Variants in ATG13 observed in about 807,000 individuals in gnomAD.
The protein encoded by ATG13 is autophagy related 13, also known as autophagy-related protein 13.
ATG13 carries 23 observed loss-of-function variants against 65.5 expected under a neutral mutation model. That is an observed-to-expected ratio of 0.35 (90% CI 0.25 to 0.50). ATG13 has a LOEUF of 0.50. Ranked by LOEUF, ATG13 falls within the 20% of genes least tolerant of loss-of-function variation. The probability of loss-of-function intolerance (pLI) is 0.98; values close to 1 mark genes in which losing one functional copy is unlikely to be tolerated. For missense variants in ATG13, 566 were observed against 677.0 expected, an observed-to-expected ratio of 0.84 and a Z score of 1.82; for synonymous variants, 252 against 245.2, an observed-to-expected ratio of 1.03 and a Z score of -0.26.
Position 46,664,677 on chromosome 11 carries a change from A to G in ATG13, c.889-172A>G, listed in dbSNP as rs114286883. Among the ~76,000 whole-genome samples the G allele has an allele frequency of 8.4e-3, 1,282 of 152,328 alleles. 9 individuals carry two copies. Among genetic ancestry groups the G allele is most frequent in the African/African-American group, 0.03 (1,235 of 41,556 alleles). ...AAACAAGTCTGTGTTTTCTTCTCTA[A>G]TAACGGCCTCATCTGTCCCTAACCC... On this transcript the variant is annotated intron_variant, in intron 12 of 18. Transcript: ENST00000683050.
In ATG13 at chr11:46,664,918, G is replaced by T. The variant is rs1047518922; in HGVS notation, c.958G>T (p.Val320Leu). 7 of 1,613,898 alleles carry T rather than the reference G, an allele frequency of 4.3e-6. No homozygotes were observed. The highest frequency in any genetic ancestry group is 5.9e-6 in the Non-Finnish European group (7 of 1,179,892). Residue 320 changes from valine to leucine, a missense_variant, in exon 13 of 19, where the codon GTA becomes TTA. By Grantham distance (32) the Val-to-Leu change is conservative. Coordinates refer to ENST00000683050, the MANE Select transcript of ATG13 (RefSeq NM_001346311.2). ...TGGATCAGCTGACCTGGCTTATCCA[G>T]TAGTGTTTGCTGCTGGCTTAAATGC... ...GVGSADLAYP[V>L]VFAAGLNATH... is the part of the protein sequence containing the mutation.
intron 2 of ATG13, 27 bp from the exon 3 acceptor site, chr11:46,644,252 C>A: frequency 1.3e-6 from 2 of 1,487,340 alleles, no homozygotes; most frequent in Admixed American, 2.0e-5. Context: ...AGATATTAGT[C>A]ATATTTTTTT....
chr11:46,649,842 T>C (rs1434358995), intron 6 of ATG13, among the ~76,000 whole-genome samples: 1 of 152,250 alleles, frequency 6.6e-6, no homozygotes, highest in Non-Finnish European at 1.5e-5. Flanking sequence ...TGTTAGATTA[T>C]CGAGATAGAC....
chr11:46,650,133 A>G, intron 6 of ATG13, 44 bp from the exon 7 acceptor site: 3 of 1,599,492 alleles, frequency 1.9e-6, no homozygotes. Flanking sequence ...GTGTAGCTCC[A>G]GCGCTAAATA....
At chr11:46,622,601 C>T (rs1226013038) in intron 1 of ATG13, among the ~76,000 whole-genome samples, 1 of 152,106 alleles carries the variant, frequency 6.6e-6, no homozygotes, top group East Asian at 1.9e-4. Flanking sequence ...ATTCAAACTG[C>T]TGACTACTGA....
intron 2 of ATG13, among the ~76,000 whole-genome samples, chr11:46,635,428 G>A (rs992214047): frequency 1.4e-4 from 22 of 152,140 alleles, no homozygotes; most frequent in Admixed American, 1.2e-3. Flanking sequence ...GATTGCCTGA[G>A]TCCAGGAGTT....
At chr11:46,661,739 G>T (rs1474914984) in intron 11 of ATG13, among the ~76,000 whole-genome samples, 7 of 152,120 alleles carry the variant, frequency 4.6e-5, no homozygotes, top group African/African-American at 1.7e-4. Context: ...GCTGATCTGG[G>T]AGGATCGCCT....
chr11:46,644,377 C>G lies in ATG13; in HGVS notation c.69+17C>G, dbSNP rs1257700188. On this transcript the variant is annotated intron_variant, in intron 3 of 18. Transcript: ENST00000683050. ...GCCCTCAAGGTAATGTGTCCATTCT[C>G]TTGAGCCTAGAACTGTTAGAAATAA... 1.3e-6 allele frequency: 2 copies of G among 1,584,084 alleles called. No individual in the cohort carries two copies. Among genetic ancestry groups the G allele is most frequent in the Non-Finnish European group, 1.7e-6 (2 of 1,163,116 alleles).
chr11:46,644,279 A>G lies in ATG13; in HGVS notation c.-13A>G, dbSNP rs769829577. The G allele has an allele frequency of 5.1e-6, 8 of 1,567,540 alleles. No homozygotes were observed. The highest frequency in any genetic ancestry group is 6.0e-6 in the Non-Finnish European group (7 of 1,163,328). On this transcript the variant is annotated splice_region_variant and 5_prime_UTR_variant, in exon 3 of 19. Coordinates refer to ENST00000683050, the MANE Select transcript of ATG13 (RefSeq NM_001346311.2). ...TATTTTTTTCACTTTTTTTTTTTAG[A>G]TTCCTATAGGCAATGGAAACTGATC...
chr11:46,672,297 C>T lies in ATG13; in HGVS notation c.1618C>T (p.Arg540Cys), dbSNP rs753993692. The T allele has an allele frequency of 9.3e-6, 15 of 1,614,100 alleles. No individual in the cohort carries two copies. Among genetic ancestry groups the T allele is most frequent in the South Asian group, 4.4e-5 (4 of 91,090 alleles). Residue 540 changes from arginine to cysteine, a missense_variant, in exon 19 of 19, where the codon CGC (arginine) becomes TGC (cysteine). Coordinates refer to ENST00000683050, the MANE Select transcript of ATG13 (RefSeq NM_001346311.2). Reference protein sequence around the residue: ...EKLAVHEKNVREFDAFVETLQ With the variant: ...EKLAVHEKNVCEFDAFVETLQ ...GCTGGCTGTGCATGAGAAGAATGTC[C>T]GCGAGTTTGATGCCTTTGTGGAAAC... is the stretch of plus-strand genomic sequence containing the variant.
At chr11:46,654,580 G>T (rs1043258310) in intron 7 of ATG13, among the ~76,000 whole-genome samples, 1 of 150,834 alleles carries the variant, frequency 6.6e-6, no homozygotes, top group Non-Finnish European at 1.5e-5. Context: ...AACTTAGCTG[G>T]GTGTGGTGGC....
chr11:46,672,048 C>G (rs1203829295), intron 18 of ATG13, among the ~76,000 whole-genome samples: 1 of 152,230 alleles, frequency 6.6e-6, no homozygotes, highest in Non-Finnish European at 1.5e-5. Context: ...CAAGGCCGTT[C>G]CATTAATCCT....
At chr11:46,653,587 TGAGACG>T (rs1801532784) in intron 7 of ATG13, among the ~76,000 whole-genome samples, 1 of 152,114 alleles carries the variant, frequency 6.6e-6, no homozygotes, top group African/African-American at 2.4e-5. Context: ...TTTTGTTTTT[TGAGACG>T]GAGTCTCGCT....
intron 10 of ATG13, 35 bp downstream of exon 10, chr11:46,657,657 A>G (rs1466818918): frequency 6.6e-7 from 1 of 1,520,138 alleles, no homozygotes; most frequent in Non-Finnish European, 8.9e-7. Flanking sequence ...CCCAAACTGC[A>G]GCTGGGCAGA....
chr11:46,669,767 CTGT>C (rs2063275606), intron 18 of ATG13, among the ~76,000 whole-genome samples: 2 of 152,226 alleles, frequency 1.3e-5, no homozygotes, highest in African/African-American at 2.4e-5. Flanking sequence ...TTACATGCTC[CTGT>C]TGTTCTGTGC....
chr11:46,672,762 A>C lies in ATG13; in HGVS notation c.*430A>C, dbSNP rs2064039785. The C allele has an allele frequency of 8.3e-7, 1 of 1,201,812 alleles. No individual in the cohort carries two copies. Among genetic ancestry groups the C allele is most frequent in the South Asian group, 1.2e-5 (1 of 82,872 alleles). 74.4% of individuals were successfully genotyped at this position (1,201,812 alleles called of 1,614,324 possible). ...GCTGGTGGCCAAGAGATTGGTGTGG[A>C]GTCGCAGAAAGAGGAAGGAGACAGT... On this transcript the variant is annotated 3_prime_UTR_variant, in exon 19 of 19. Transcript: ENST00000683050.
At chr11:46,644,425 G>A (rs1399752606) in intron 3 of ATG13, 65 bp downstream of exon 3, 22 of 1,371,634 alleles carry the variant, frequency 1.6e-5, no homozygotes, top group South Asian at 3.9e-5. Context: ...TCCCTTTTGC[G>A]AACAACTCTC....
Position 46,673,034 on chromosome 11 carries a change from G to A in ATG13, c.*702G>A. On this transcript the variant is annotated 3_prime_UTR_variant, in exon 19 of 19. Coordinates refer to ENST00000683050, the MANE Select transcript of ATG13 (RefSeq NM_001346311.2). ...CCATGGGAAATAAAAATGGCACCCT[G>A]AATCTCTAGGATTTTGTCACTTGGA... 4.7e-6 allele frequency: 1 copy of A among 211,330 alleles called. No individual in the cohort carries two copies. Among genetic ancestry groups the A allele is most frequent in the Non-Finnish European group, 9.8e-6 (1 of 102,284 alleles). The allele number at this position is 211,330 out of a possible 1,614,324, so 13.1% of individuals were successfully genotyped here.
At chr11:46,672,174 C>T in intron 18 of ATG13, 81 bp from the exon 19 acceptor site, 1 of 1,602,044 alleles carries the variant, frequency 6.2e-7, no homozygotes, top group Non-Finnish European at 8.5e-7. Context: ...TTGCTTGCTG[C>T]CTCCCCTCTT....
Sources: allele counts gnomAD v4.1 joint callset (sites outside exome capture counted in the v4.1 genomes callset), GRCh38; gene constraint gnomAD v4.1.1; transcripts MANE v1.5; gene names NCBI Gene and HGNC (gene_info 2026-07-23, HGNC 2026-07-21).